The following AP2A1 variants were observed in gnomAD, a reference collection of about 807,000 sequenced individuals.
The protein encoded by AP2A1 is adaptor related protein complex 2 subunit alpha 1.
A neutral mutation model predicts 107.3 loss-of-function variants in AP2A1; 21 were observed. The ratio of observed to expected loss-of-function variants is 0.20; its 90% CI spans 0.14 to 0.28. The LOEUF (loss-of-function observed/expected upper bound fraction) is 0.28, where lower values mean the gene tolerates loss of function less well. Ranked by LOEUF, AP2A1 falls within the 10% of genes least tolerant of loss-of-function variation. The pLI is 1.00. For missense variants in AP2A1, 873 were observed against 1,307.7 expected, an observed-to-expected ratio of 0.67 and a Z score of 5.13; for synonymous variants, 602 against 564.8, an observed-to-expected ratio of 1.07 and a Z score of -0.93.
Position 49,785,416 on chromosome 19 carries a change from G to A in AP2A1, c.473+2692G>A, listed in dbSNP as rs1033629473. Reference sequence around the variant, plus strand: ...AGGTGGGGACATTGAACAGGTGAGTGAATGATGGCAGACCTTTCAGCAATG... The same window carrying A: ...AGGTGGGGACATTGAACAGGTGAGTAAATGATGGCAGACCTTTCAGCAATG... On this transcript the variant is annotated intron_variant, in intron 4 of 22. Coordinates refer to ENST00000354293, the MANE Select transcript of AP2A1 (RefSeq NM_130787.3). This position sits in a 1 kb window ranked among gnomAD's most constrained non-coding sequence, Gnocchi z 4.1. Among the ~76,000 whole-genome samples the A allele has an allele frequency of 1.3e-5, 2 of 152,140 alleles. No homozygotes were observed. Among genetic ancestry groups the A allele is most frequent in the African/African-American group, 4.8e-5 (2 of 41,422 alleles).
At chr19:49,778,383 G>C (rs577992211) in intron 1 of AP2A1, among the ~76,000 whole-genome samples, 2 of 152,184 alleles carry the variant, frequency 1.3e-5, no homozygotes, top group African/African-American at 4.8e-5. Context: ...AGGAGTTTGA[G>C]ACCAGCCTGG....
Position 49,807,008 on chromosome 19 carries a change from G to A in AP2A1, c.*250G>A, listed in dbSNP as rs1377491368. ...CACAGAGGGGAGAGGGGCCAGGGAA[G>A]TGGATGTCTCCTCCCCTCCCACCCC... On this transcript the variant is annotated 3_prime_UTR_variant, in exon 23 of 23. Coordinates refer to ENST00000354293, the MANE Select transcript of AP2A1 (RefSeq NM_130787.3). 6.6e-6 allele frequency: 10 copies of A among 1,521,844 alleles called. No homozygotes were observed. Among genetic ancestry groups the A allele is most frequent in the Non-Finnish European group, 7.9e-6 (9 of 1,138,662 alleles). The allele number at this position is 1,521,844 out of a possible 1,614,324, so 94.3% of individuals were successfully genotyped here. A position where few individuals can be genotyped will look rare whatever the true frequency, so the allele number is the denominator to read the frequency against.
Position 49,807,053 on chromosome 19 carries a change from T to C in AP2A1, c.*295T>C, listed in dbSNP as rs774313660. On this transcript the variant is annotated 3_prime_UTR_variant, in exon 23 of 23. Transcript: ENST00000354293. Reference sequence around the variant, plus strand: ...CACCCCACCCTGTTGTAGCCCCTCCTACCCCCTCCCCATCCAGGGGCTGTG... The same window carrying C: ...CACCCCACCCTGTTGTAGCCCCTCCCACCCCCTCCCCATCCAGGGGCTGTG... 7 of 877,186 alleles carry C rather than the reference T, an allele frequency of 8.0e-6. No homozygotes were observed. Among genetic ancestry groups the C allele is most frequent in the African/African-American group, 2.4e-5 (1 of 41,374 alleles). 54.3% of individuals were successfully genotyped at this position (877,186 alleles called of 1,614,324 possible). A position where few individuals can be genotyped will look rare whatever the true frequency, so the allele number is the denominator to read the frequency against.
Position 49,785,877 on chromosome 19 carries a change from A to G in AP2A1, c.473+3153A>G, listed in dbSNP as rs1159916138. On this transcript the variant is annotated intron_variant, in intron 4 of 22. Coordinates refer to ENST00000354293, the MANE Select transcript of AP2A1 (RefSeq NM_130787.3). This position sits in a 1 kb window ranked among gnomAD's most constrained non-coding sequence, Gnocchi z 4.1. ...GGTTGCAGTGAGTGGAGATTGTGCC[A>G]CTGCACTCCAGCCTGGGTGACAGAG... 6.6e-6 allele frequency among the ~76,000 whole-genome samples: 1 copy of G among 151,916 alleles called. No homozygotes were observed. Among genetic ancestry groups the G allele is most frequent in the Non-Finnish European group, 1.5e-5 (1 of 67,966 alleles).
intron 4 of AP2A1, among the ~76,000 whole-genome samples, chr19:49,790,988 C>G (rs1242334816): frequency 6.6e-6 from 1 of 152,226 alleles, no homozygotes; most frequent in Non-Finnish European, 1.5e-5. Context: ...AAAGCCAAGT[C>G]CTCACTTCAG....
intron 6 of AP2A1, among the ~76,000 whole-genome samples, chr19:49,794,358 G>C (rs932049211): frequency 6.6e-6 from 1 of 151,926 alleles, no homozygotes; most frequent in South Asian, 2.1e-4. Flanking sequence ...GGGACTGCAG[G>C]TGCCTGGCTA....
chr19:49,794,201 A>C (rs1488071748), intron 6 of AP2A1, among the ~76,000 whole-genome samples: 2 of 130,262 alleles, frequency 1.5e-5, no homozygotes, highest in African/African-American at 2.9e-5. Context: ...CGCCTGGCCC[A>C]CTCATTGTTT....
At chr19:49,769,024 C>T (rs568740788) in intron 1 of AP2A1, among the ~76,000 whole-genome samples, 3 of 152,122 alleles carry the variant, frequency 2.0e-5, no homozygotes, top group Admixed American at 6.6e-5. Context: ...CCGAGGTAGG[C>T]GGATCACCTG....
chr19:49,805,349 T>A (rs1179742226), intron 18 of AP2A1, 104 bp from the exon 19 acceptor site: 2 of 1,339,324 alleles, frequency 1.5e-6, no homozygotes, highest in East Asian at 5.1e-5. Flanking sequence ...ATGGGGTCCC[T>A]CAAAGACCTG....
rs2073277849 is a variant in AP2A1, at chr19:49,801,453, G to A, written c.1617G>A (p.Ala539=). 6.2e-7 allele frequency: 1 copy of A among 1,613,818 alleles called. No homozygotes were observed. The highest frequency in any genetic ancestry group is 8.5e-7 in the Non-Finnish European group (1 of 1,179,848). The stretch of plus-strand genomic sequence containing the variant: ...ATCTGTGCAGCGTGGCCACGCGGGC[G>A]CTGCTGCTGTCCACCTACATCAAGT... ...KFHLCSVATR[A]LLLSTYIKFI... Residue 539 remains alanine, a synonymous_variant, in exon 13 of 23, where the codon GCG becomes GCA. Coordinates refer to ENST00000354293, the MANE Select transcript of AP2A1 (RefSeq NM_130787.3).
chr19:49,806,013 A>G (rs1207897439), intron 21 of AP2A1, 72 bp downstream of exon 21: 1 of 1,612,082 alleles, frequency 6.2e-7, no homozygotes, highest in Admixed American at 1.7e-5. Context: ...TCCCATCTGT[A>G]AAGTGGGGCC....
intron 1 of AP2A1, among the ~76,000 whole-genome samples, chr19:49,780,619 C>T (rs867093254): frequency 1.8e-4 from 27 of 152,234 alleles, no homozygotes; most frequent in Middle Eastern, 3.4e-3. Flanking sequence ...GGCAAGAAGG[C>T]TGGAGGGGAG....
intron 6 of AP2A1, among the ~76,000 whole-genome samples, chr19:49,794,575 C>T (rs1458817761): frequency 6.6e-6 from 1 of 152,154 alleles, no homozygotes; most frequent in African/African-American, 2.4e-5. Context: ...GGTAGGAACA[C>T]AGACCAGCAC....
At chr19:49,777,128 G>A (rs545518834) in intron 1 of AP2A1, among the ~76,000 whole-genome samples, 3 of 151,638 alleles carry the variant, frequency 2.0e-5, no homozygotes, top group Admixed American at 6.6e-5. Flanking sequence ...CCAACTGCTC[G>A]GGAGGCTGAG....
intron 1 of AP2A1, among the ~76,000 whole-genome samples, chr19:49,777,552 G>A (rs1010083401): frequency 3.3e-5 from 5 of 150,218 alleles, no homozygotes; most frequent in East Asian, 2.0e-4. Flanking sequence ...GGAGAATGGC[G>A]TGAACCTGGG....
At chr19:49,792,140 T>A in intron 5 of AP2A1, 76 bp downstream of exon 5, 2 of 1,417,460 alleles carry the variant, frequency 1.4e-6, no homozygotes, top group South Asian at 1.2e-5. Context: ...TGCCCGGGGC[T>A]CCCACCTCAG....
chr19:49,799,886 G>T, intron 10 of AP2A1, 82 bp from the exon 11 acceptor site: 1 of 1,573,878 alleles, frequency 6.4e-7, no homozygotes, highest in Non-Finnish European at 8.6e-7. Flanking sequence ...CTCCAGATGG[G>T]GGCAGTGGTG....
chr19:49,769,739 C>T (rs547396750), intron 1 of AP2A1, among the ~76,000 whole-genome samples: 1 of 152,250 alleles, frequency 6.6e-6, no homozygotes, highest in East Asian at 1.9e-4. Context: ...AAGATAATTC[C>T]TCTGGCTGCT....
Position 49,805,500 on chromosome 19 carries a change from G to T in AP2A1, c.2392G>T (p.Ala798Ser). The T allele has an allele frequency of 6.4e-7, 1 of 1,557,542 alleles. No homozygotes were observed. Among genetic ancestry groups the T allele is most frequent in the Non-Finnish European group, 8.7e-7 (1 of 1,151,508 alleles). ...CGTGGCGGCGCAGGTGGACGGCGGC[G>T]CGCAGGTGCAGCAGGTGCTCAATAT... ...KRVAAQVDGG[A>S]QVQQVLNIEC... The change falls in exon 19 of 23, where the codon GCG becomes TCG. Residue 798 changes from alanine to serine, a missense_variant. Physicochemically the swap from Ala to Ser is moderately conservative, Grantham distance 99. Around this residue, in one of 4 missense-constraint regions of AP2A1, gnomAD observed 416 missense variants for 473.4 expected, o/e 0.88. Transcript: ENST00000354293.
Sources: allele counts gnomAD v4.1 joint callset (sites outside exome capture counted in the v4.1 genomes callset), GRCh38; gene constraint gnomAD v4.1.1; regional missense constraint gnomAD v4.1.1; non-coding constraint Gnocchi (gnomAD v3.1); transcripts MANE v1.5; gene names NCBI Gene and HGNC (gene_info 2026-07-23, HGNC 2026-07-21).